The following PCDHA6 variants were observed in gnomAD, a reference collection of about 807,000 sequenced individuals.
PCDHA6 encodes the protein protocadherin alpha 6, also known as protocadherin alpha-6.
PCDHA6 carries 55 observed loss-of-function variants against 60.3 expected under a neutral mutation model. The ratio of observed to expected loss-of-function variants is 0.91; its 90% CI spans 0.73 to 1.14. The LOEUF is 1.14. Among genes scored for constraint, PCDHA6 ranks in the 50% most tolerant of loss-of-function variants. The pLI is 0.00. For synonymous variants in PCDHA6, 652 were observed against 557.9 expected (o/e 1.17, Z -2.38); for missense variants, 1,327 against 1,256.5 (o/e 1.06, Z -0.85).
At chr5:140,834,131 C>G (rs2150213699) in intron 1 of PCDHA6, 104 of 446,322 alleles carry the variant, frequency 2.3e-4, no homozygotes, top group Admixed American at 1.8e-3. Context: ...AACTTTTCAT[C>G]TGATTAATAG....
chr5:140,995,047 C>G (rs1174630120), intron 3 of PCDHA6, among the ~76,000 whole-genome samples: 2 of 152,158 alleles, frequency 1.3e-5, no homozygotes, highest in Admixed American at 1.3e-4. Context: ...CTTAACTCTA[C>G]TGAATTTTCA....
At chr5:140,946,575 G>A (rs1554217641) in intron 1 of PCDHA6, among the ~76,000 whole-genome samples, 3 of 140,788 alleles carry the variant, frequency 2.1e-5, no homozygotes, top group Non-Finnish European at 4.6e-5. Flanking sequence ...ATCAACTTAG[G>A]TGTTCATAGT....
intron 1 of PCDHA6, among the ~76,000 whole-genome samples, chr5:140,957,165 A>G (rs2095338056): frequency 6.6e-6 from 1 of 152,190 alleles, no homozygotes; most frequent in Non-Finnish European, 1.5e-5. Context: ...AAATCTAAGT[A>G]TATAAATTGG....
intron 1 of PCDHA6, chr5:140,969,240 C>T: frequency 6.2e-7 from 1 of 1,614,198 alleles, no homozygotes; most frequent in South Asian, 1.1e-5. Context: ...GCCCAAGCAG[C>T]AGTGACTGAC....
intron 1 of PCDHA6, among the ~76,000 whole-genome samples, chr5:140,916,248 T>C (rs2077492943): frequency 6.6e-6 from 1 of 152,180 alleles, no homozygotes; most frequent in Admixed American, 6.5e-5. Flanking sequence ...AGCCTGGACT[T>C]GGGGACCCCA....
rs2150363353 is a variant in PCDHA6 at position 140,843,609 on chromosome 5, G to A, written c.2394+13124G>A. The A allele has an allele frequency of 1.3e-6, 2 of 1,596,016 alleles. No homozygotes were observed. Among genetic ancestry groups the A allele is most frequent in the Non-Finnish European group, 1.7e-6 (2 of 1,165,520 alleles). ...CCGCAGAGGGTGTGCTCTGGTGAGGGGCCACCGAAGACGGACCTCATGGCC... is the reference window on the plus strand; with the variant it reads ...CCGCAGAGGGTGTGCTCTGGTGAGGAGCCACCGAAGACGGACCTCATGGCC... On this transcript the variant is annotated intron_variant, in intron 1 of 3. Transcript: ENST00000529310.
intron 2 of PCDHA6, among the ~76,000 whole-genome samples, chr5:140,981,879 A>G (rs1472110145): frequency 3.9e-5 from 6 of 152,158 alleles, no homozygotes; most frequent in Non-Finnish European, 7.3e-5. Context: ...TGCTGAATTA[A>G]TCTCTTCTGA....
At chr5:140,876,972 C>T (rs374149249) in intron 1 of PCDHA6, 13 of 1,612,478 alleles carry the variant, frequency 8.1e-6, no homozygotes, top group Non-Finnish European at 1.1e-5. Context: ...GGCGGGTGGG[C>T]GAGCACGCAC....
intron 3 of PCDHA6, among the ~76,000 whole-genome samples, chr5:140,999,199 A>G (rs1354176825): frequency 2.0e-5 from 3 of 152,228 alleles, no homozygotes; most frequent in Non-Finnish European, 4.4e-5. Context: ...CTTGGAAAAG[A>G]GAATTTCTGG....
chr5:140,831,902 G>A (rs1771755236), intron 1 of PCDHA6, among the ~76,000 whole-genome samples: 1 of 152,130 alleles, frequency 6.6e-6, no homozygotes, highest in Admixed American at 6.6e-5. Flanking sequence ...TTGCCAAATA[G>A]CAAGTGCTTA....
At chr5:140,915,753 G>A (rs1196952771) in intron 1 of PCDHA6, among the ~76,000 whole-genome samples, 1 of 151,952 alleles carries the variant, frequency 6.6e-6, no homozygotes, top group Non-Finnish European at 1.5e-5. Context: ...AGCCAGCACA[G>A]CCCTGGGTCT....
chr5:140,876,155 T>C lies in PCDHA6; in HGVS notation c.2394+45670T>C, dbSNP rs1554168308. Reference sequence around the variant, plus strand: ...CCAGAACTAACAGGGTCTGTCCAGATTCAAATAACCGTCCTGGATGTGAAT... The same window carrying C: ...CCAGAACTAACAGGGTCTGTCCAGACTCAAATAACCGTCCTGGATGTGAAT... On this transcript the variant is annotated intron_variant, in intron 1 of 3. Coordinates refer to ENST00000529310, the MANE Select transcript of PCDHA6 (RefSeq NM_018909.4). 3 of 1,613,994 alleles carry C rather than the reference T, an allele frequency of 1.9e-6. No homozygotes were observed. Among genetic ancestry groups the C allele is most frequent in the Admixed American group, 3.3e-5 (2 of 60,026 alleles).
chr5:140,868,603 T>C (rs1554162122), intron 1 of PCDHA6: 2 of 153,246 alleles, frequency 1.3e-5, no homozygotes, highest in Non-Finnish European at 2.9e-5. Flanking sequence ...TAGTTTTTCA[T>C]GAGGCCACCT....
In PCDHA6 at chr5:140,830,082, C is replaced by T. The variant is rs1330292023; in HGVS notation, c.1991C>T (p.Thr664Met). The change falls in exon 1 of 4, where the codon ACG (threonine) becomes ATG (methionine). Residue 664 changes from threonine to methionine, a missense_variant. Thr to Met is a moderately conservative substitution (Grantham distance 81). Coordinates refer to ENST00000529310, the MANE Select transcript of PCDHA6 (RefSeq NM_018909.4). ...GAGCCGGCGCTGACAGCGACGGCCA[C>T]GGTTCTGGTGTCGCTGGTGGAGAGT... Reference protein sequence around the residue: ...HGEPALTATATVLVSLVESGQ... With the variant: ...HGEPALTATAMVLVSLVESGQ... 8.7e-6 allele frequency: 14 copies of T among 1,613,566 alleles called. No homozygotes were observed. The highest frequency in any genetic ancestry group is 1.3e-5 in the African/African-American group (1 of 75,018).
At chr5:140,834,787 C>G in intron 1 of PCDHA6, 1 of 1,613,658 alleles carries the variant, frequency 6.2e-7, no homozygotes, top group Non-Finnish European at 8.5e-7. Flanking sequence ...GTGTTCCCAG[C>G]GACACAAAGG....
intron 1 of PCDHA6, among the ~76,000 whole-genome samples, chr5:140,944,182 G>T (rs542395513): frequency 1.3e-5 from 2 of 152,052 alleles, no homozygotes; most frequent in South Asian, 2.1e-4. Flanking sequence ...TTTTTTGTTG[G>T]TTTGTTTTGT....
intron 3 of PCDHA6, among the ~76,000 whole-genome samples, chr5:141,006,790 T>A (rs1318848521): frequency 6.6e-6 from 1 of 152,130 alleles, no homozygotes; most frequent in African/African-American, 2.4e-5. Context: ...AATAATTAGC[T>A]TTGAACTTTC....
At chr5:140,961,342 A>AC (rs2095605510) in intron 1 of PCDHA6, among the ~76,000 whole-genome samples, 1 of 152,164 alleles carries the variant, frequency 6.6e-6, no homozygotes, top group South Asian at 2.1e-4. Flanking sequence ...CCAAGAGTGG[A>AC]TCCCTGTAGT....
chr5:140,882,302 C>A, intron 1 of PCDHA6: 1 of 1,613,798 alleles, frequency 6.2e-7, no homozygotes, highest in Non-Finnish European at 8.5e-7. Context: ...CCCAAGACCG[C>A]GGCAACTACT....
Sources: gnomAD v4.1 joint callset for allele counts (sites outside exome capture counted in the v4.1 genomes callset) on GRCh38, gnomAD v4.1.1 for gene constraint, MANE v1.5 for transcripts, NCBI Gene and HGNC (gene_info 2026-07-23, HGNC 2026-07-21) for gene names.